TIAM2: variants seen among roughly 807,000 people sequenced by gnomAD.
The protein encoded by TIAM2 is rho guanine nucleotide exchange factor TIAM2.
Under a neutral mutation model 152.9 loss-of-function variants are expected in TIAM2, and 80 were observed. That is an observed-to-expected ratio of 0.52 (90% CI 0.44 to 0.63). TIAM2 has a LOEUF of 0.63. Ranked by LOEUF, TIAM2 falls within the 30% of genes least tolerant of loss-of-function variation. The pLI, the probability that TIAM2 is intolerant of heterozygous loss-of-function variation, is 0.00. For missense variants in TIAM2, 1,965 were observed against 2,120.1 expected (o/e 0.93, Z 1.44); for synonymous variants, 804 against 838.0 (o/e 0.96, Z 0.70).
At chr6:155,100,108 G>C (rs1778522665) in intron 2 of TIAM2, among the ~76,000 whole-genome samples, 1 of 151,670 alleles carries the variant, frequency 6.6e-6, no homozygotes, top group Non-Finnish European at 1.5e-5. Context: ...AACTGAGACT[G>C]GTGGGTTCTC....
At chr6:155,171,730 C>T (rs893026891) in intron 9 of TIAM2, among the ~76,000 whole-genome samples, 3 of 152,128 alleles carry the variant, frequency 2.0e-5, no homozygotes, top group African/African-American at 7.2e-5. Context: ...ATACAGCTAG[C>T]GAGCTAGCTA....
chr6:155,204,416 T>C (rs1466866284), intron 14 of TIAM2, among the ~76,000 whole-genome samples: 1 of 152,134 alleles, frequency 6.6e-6, no homozygotes, highest in Non-Finnish European at 1.5e-5. Flanking sequence ...TCCTCACGGC[T>C]TCTGGAGAGG....
chr6:155,216,977 A>G lies in TIAM2; in HGVS notation c.3168+5670A>G, dbSNP rs371459199. 1.2e-4 allele frequency: 147 copies of G among 1,244,456 alleles called. No individual in the cohort carries two copies. In the East Asian group the frequency reaches 1.7e-3, roughly 14 times the overall value. The allele number at this position is 1,244,456 out of a possible 1,614,324, so 77.1% of individuals were successfully genotyped here. On this transcript the variant is annotated intron_variant, in intron 15 of 26. Transcript: ENST00000682666. ...TTGGGATTTTTTTCATTGCCTGGGG[A>G]TGAGAGGGAGAGACAACGTGTGTCT...
intron 1 of TIAM2, among the ~76,000 whole-genome samples, chr6:155,038,820 A>C (rs1776967331): frequency 6.6e-6 from 1 of 151,954 alleles, no homozygotes; most frequent in Non-Finnish European, 1.5e-5. Context: ...TAGTCCCAGC[A>C]ACTCAGGAGT....
At chr6:155,093,109 A>G (rs1778340256) in intron 2 of TIAM2, among the ~76,000 whole-genome samples, 1 of 152,192 alleles carries the variant, frequency 6.6e-6, no homozygotes, top group South Asian at 2.1e-4. Context: ...TATCAGACAG[A>G]CCTGGTTTGA....
At chr6:155,220,280 G>A (rs967643357) in intron 15 of TIAM2, among the ~76,000 whole-genome samples, 10 of 152,364 alleles carry the variant, frequency 6.6e-5, no homozygotes, top group African/African-American at 1.9e-4. Flanking sequence ...TATTGAACGA[G>A]ACTTTGGCTG....
chr6:155,107,907 A>G (rs914237048), intron 2 of TIAM2, among the ~76,000 whole-genome samples: 1 of 152,202 alleles, frequency 6.6e-6, no homozygotes, highest in Non-Finnish European at 1.5e-5. Context: ...GCTTTGGTGT[A>G]GTTCTTCCTT....
intron 1 of TIAM2, chr6:155,022,526 C>T (rs1335927606): frequency 6.6e-6 from 1 of 152,342 alleles, no homozygotes; most frequent in African/African-American, 2.4e-5. Flanking sequence ...TCTCGAACTC[C>T]TGACCCCAGG....
intron 15 of TIAM2, among the ~76,000 whole-genome samples, chr6:155,219,626 TAAA>T (rs755975713): frequency 2.2e-3 from 327 of 151,326 alleles, no homozygotes; most frequent in East Asian, 0.012. Flanking sequence ...GATTTTTTTT[TAAA>T]AAATTTCCTA....
chr6:155,250,472 A>G (rs1159471712), intron 21 of TIAM2: 1 of 1,352,618 alleles, frequency 7.4e-7, no homozygotes, highest in Non-Finnish European at 1.0e-6. Context: ...AAATGGCAGG[A>G]ACAGGAAAGG....
Position 155,252,944 on chromosome 6 carries a change from A to C in TIAM2, c.4120-4A>C, listed in dbSNP as rs978207299. ...ACTTTTCTTGGTGGGCCTTCATGTT[A>C]CAGCCCTCGAATTCCCGGCCTGCAC... is the stretch of plus-strand genomic sequence containing the variant. On this transcript the variant is annotated splice_region_variant and splice_polypyrimidine_tract_variant and intron_variant, in intron 23 of 26. Transcript: ENST00000682666. The C allele has an allele frequency of 3.1e-6, 5 of 1,613,586 alleles. No homozygotes were observed. The highest frequency in any genetic ancestry group is 4.2e-6 in the Non-Finnish European group (5 of 1,179,744).
chr6:155,031,135 C>A (rs549777365), intron 1 of TIAM2, among the ~76,000 whole-genome samples: 1 of 152,144 alleles, frequency 6.6e-6, no homozygotes, highest in East Asian at 1.9e-4. Context: ...CTGAAAATTC[C>A]AATGTGAACA....
In TIAM2 at chr6:155,179,084, T is replaced by C; in HGVS notation, c.2569T>C (p.Leu857=). 1.2e-6 allele frequency: 2 copies of C among 1,614,106 alleles called. No homozygotes were observed. Among genetic ancestry groups the C allele is most frequent in the South Asian group, 2.2e-5 (2 of 91,084 alleles). The change falls in exon 11 of 27, where the codon TTA becomes CTA. Residue 857 remains leucine (L), a synonymous_variant. Coordinates refer to ENST00000682666, the MANE Select transcript of TIAM2 (RefSeq NM_012454.4). Reference sequence around the variant, plus strand: ...CCATTATGGCCTACAGCTTCGAAAATTAGTAGATGACAATGTTGAGTATTG... The same window carrying C: ...CCATTATGGCCTACAGCTTCGAAAACTAGTAGATGACAATGTTGAGTATTG... ...PSHYGLQLRK[L]VDDNVEYCIP...
At chr6:155,099,258 G>A (rs1778498626) in intron 2 of TIAM2, among the ~76,000 whole-genome samples, 1 of 129,610 alleles carries the variant, frequency 7.7e-6, no homozygotes, top group African/African-American at 2.9e-5. Flanking sequence ...GTGTGTGTGT[G>A]TGTAATAAAA....
intron 2 of TIAM2, among the ~76,000 whole-genome samples, chr6:155,113,360 C>T (rs1198062231): frequency 6.6e-6 from 1 of 152,120 alleles, no homozygotes; most frequent in Non-Finnish European, 1.5e-5. Context: ...TTCCCCTCTC[C>T]ACGTTGCCTC....
intron 14 of TIAM2, among the ~76,000 whole-genome samples, chr6:155,208,795 A>G (rs1781649777): frequency 6.6e-6 from 1 of 151,758 alleles, no homozygotes; most frequent in Admixed American, 6.6e-5. Flanking sequence ...TGGTCCTTAC[A>G]CCTTGTACCT....
chr6:155,186,478 T>A lies in TIAM2; in HGVS notation c.3064+2978T>A, dbSNP rs1172003331. On this transcript the variant is annotated intron_variant, in intron 14 of 26. Coordinates refer to ENST00000682666, the MANE Select transcript of TIAM2 (RefSeq NM_012454.4). This position sits in a 1 kb window ranked among gnomAD's most constrained non-coding sequence, Gnocchi z 4.5. ...CGGGGTCACCTTCCAAATAAACTTCTGTACTCAAGTCCTTGACTCAGACTC... is the reference window on the plus strand; with the variant it reads ...CGGGGTCACCTTCCAAATAAACTTCAGTACTCAAGTCCTTGACTCAGACTC... Among the ~76,000 whole-genome samples the A allele has an allele frequency of 6.6e-6, 1 of 152,190 alleles. No individual in the cohort carries two copies. The highest frequency in any genetic ancestry group is 1.5e-5 in the Non-Finnish European group (1 of 68,042).
intron 1 of TIAM2, among the ~76,000 whole-genome samples, chr6:155,036,469 G>T (rs1242579989): frequency 3.4e-5 from 5 of 148,766 alleles, no homozygotes; most frequent in African/African-American, 1.2e-4. Context: ...GGGAGGTGGA[G>T]GTTTCAGTGA....
At chr6:155,091,771 G>A (rs1778309737) in intron 2 of TIAM2, among the ~76,000 whole-genome samples, 1 of 152,066 alleles carries the variant, frequency 6.6e-6, no homozygotes, top group Non-Finnish European at 1.5e-5. Context: ...GTGCTTTAAC[G>A]ATGTTCAAAA....
Sources: allele counts gnomAD v4.1 joint callset (sites outside exome capture counted in the v4.1 genomes callset), GRCh38; gene constraint gnomAD v4.1.1; non-coding constraint Gnocchi (gnomAD v3.1); transcripts MANE v1.5; gene names NCBI Gene and HGNC (gene_info 2026-07-23, HGNC 2026-07-21).